The following TMPO variants were observed in gnomAD, a reference collection of about 807,000 sequenced individuals.
TMPO encodes thymopoietin, also known as LEM domain containing 4.
TMPO carries 22 observed loss-of-function variants against 45.4 expected under a neutral mutation model. That is an observed-to-expected ratio of 0.48 (90% CI 0.35 to 0.69). The LOEUF is 0.69. Ranked by LOEUF, TMPO falls within the 30% of genes least tolerant of loss-of-function variation. The probability of loss-of-function intolerance (pLI) is 0.01; values close to 1 mark genes in which losing one functional copy is unlikely to be tolerated. For synonymous variants in TMPO, 241 were observed against 204.1 expected (o/e 1.18, Z -1.54); for missense variants, 512 against 548.8 (o/e 0.93, Z 0.67).
chr12:98,537,342 G>C lies in TMPO; in HGVS notation c.566-133G>C, dbSNP rs1053902116. Reference sequence around the variant, plus strand: ...ATTGCAGTTAAACAATTTTGGACTAGTGAGGTATTACCAGTAGACTTGTTT... The same window carrying C: ...ATTGCAGTTAAACAATTTTGGACTACTGAGGTATTACCAGTAGACTTGTTT... On this transcript the variant is annotated intron_variant, in intron 3 of 8. Transcript: ENST00000556029. 1.0e-5 allele frequency: 7 copies of C among 675,132 alleles called. No homozygotes were observed. The Admixed American group carries it at 1.6e-4, about 16-fold the overall frequency. 41.8% of individuals were successfully genotyped at this position (675,132 alleles called of 1,614,324 possible). A position where few individuals can be genotyped will look rare whatever the true frequency, so the allele number is the denominator to read the frequency against.
intron 4 of TMPO, 128 bp from the exon 5 acceptor site, chr12:98,544,102 C>A: frequency 9.9e-7 from 1 of 1,010,464 alleles, no homozygotes; most frequent in Non-Finnish European, 1.5e-6. Context: ...ATTTTGAGGA[C>A]ATAGCCTTGT....
At chr12:98,537,676 T>G (rs997107998) in intron 4 of TMPO, 104 bp downstream of exon 4, 1 of 864,052 alleles carries the variant, frequency 1.2e-6, no homozygotes, top group African/African-American at 1.7e-5. Flanking sequence ...TCCAGCACGC[T>G]CAATAAACTT....
At chr12:98,528,302 A>T (rs1876937048) in intron 2 of TMPO, among the ~76,000 whole-genome samples, 1 of 142,420 alleles carries the variant, frequency 7.0e-6, no homozygotes, top group African/African-American at 2.7e-5. Flanking sequence ...TTTGAGACGG[A>T]GTCTTGCTCT....
Position 98,547,744 on chromosome 12 carries a change from T to G in TMPO, c.1251T>G (p.Ile417Met). 6.2e-7 allele frequency: 1 copy of G among 1,614,140 alleles called. No individual in the cohort carries two copies. The highest frequency in any genetic ancestry group is 8.5e-7 in the Non-Finnish European group (1 of 1,180,034). ...KGRSIPVWIK[I>M]LLFVVVAVFL... ...GCTCCATTCCCGTATGGATAAAAAT[T>G]TTGCTGTTTGTTGTTGTGGCAGTTT... Residue 417 changes from isoleucine (I) to methionine (M), a missense_variant, in exon 9 of 9, where the codon ATT (isoleucine) becomes ATG (methionine). Ile to Met is a conservative substitution (Grantham distance 10, BLOSUM62 1). Transcript: ENST00000556029.
At chr12:98,523,539 C>T (rs1205084096) in intron 1 of TMPO, among the ~76,000 whole-genome samples, 1 of 148,758 alleles carries the variant, frequency 6.7e-6, no homozygotes, top group African/African-American at 2.5e-5. Flanking sequence ...GAGACTCCAT[C>T]TCAAAAAAAA....
rs113786990 is a variant in TMPO, at chr12:98,531,169, A to C, written c.407-511A>C. On this transcript the variant is annotated intron_variant, in intron 2 of 8. Coordinates refer to ENST00000556029, the MANE Select transcript of TMPO (RefSeq NM_001032283.3). The stretch of plus-strand genomic sequence containing the variant: ...TGGTCAGGCTTGTCTTGAACTGCTG[A>C]CCTTAGGTGATCCACCCGCCTTGGC... 6.8e-3 allele frequency among the ~76,000 whole-genome samples: 1,002 copies of C among 146,814 alleles called. 8 individuals carry two copies. The highest frequency in any genetic ancestry group is 9.2e-3 in the Non-Finnish European group (618 of 67,190).
At chr12:98,516,225 C>T (rs920318346) in intron 1 of TMPO, 79 bp downstream of exon 1, 42 of 1,308,382 alleles carry the variant, frequency 3.2e-5, no homozygotes, top group Non-Finnish European at 3.9e-5. Context: ...GCAGCCCCTC[C>T]CTCCCGGGCG....
At chr12:98,537,624 A>C (rs1477550363) in intron 4 of TMPO, 52 bp downstream of exon 4, 1 of 1,337,898 alleles carries the variant, frequency 7.5e-7, no homozygotes, top group Non-Finnish European at 1.1e-6. Context: ...CCTCCTGACA[A>C]CACTAATCCA....
chr12:98,525,776 A>G (rs954595902), intron 1 of TMPO, among the ~76,000 whole-genome samples: 4 of 152,054 alleles, frequency 2.6e-5, no homozygotes, highest in African/African-American at 9.7e-5. Flanking sequence ...TGAGCCTGAC[A>G]ATTCTAGGTC....
At chr12:98,540,866 C>T (rs936291863) in intron 4 of TMPO, among the ~76,000 whole-genome samples, 15 of 152,022 alleles carry the variant, frequency 9.9e-5, no homozygotes, top group Non-Finnish European at 2.2e-4. Flanking sequence ...GTCTTTCTGG[C>T]GATGCTAAAA....
At chr12:98,520,207 G>A (rs1289920247) in intron 1 of TMPO, among the ~76,000 whole-genome samples, 3 of 151,840 alleles carry the variant, frequency 2.0e-5, no homozygotes, top group East Asian at 3.9e-4. Flanking sequence ...TGATCCACCC[G>A]CCTGAGCCTC....
chr12:98,522,059 G>A (rs1876413856), intron 1 of TMPO, among the ~76,000 whole-genome samples: 1 of 151,758 alleles, frequency 6.6e-6, no homozygotes, highest in Non-Finnish European at 1.5e-5. Flanking sequence ...TAAGAGATAG[G>A]GTCTCGCTCT....
At chr12:98,544,148 G>C (rs1022821343) in intron 4 of TMPO, 82 bp from the exon 5 acceptor site, 1 of 1,496,496 alleles carries the variant, frequency 6.7e-7, no homozygotes, top group African/African-American at 1.4e-5. Flanking sequence ...TCTATTTCAT[G>C]GCTTCTCAGT....
chr12:98,536,560 G>T (rs1284870326), intron 3 of TMPO, among the ~76,000 whole-genome samples: 2 of 152,132 alleles, frequency 1.3e-5, no homozygotes, highest in Admixed American at 6.5e-5. Flanking sequence ...CACCATGTTG[G>T]CCAGGATGGT....
rs1875756144 is a variant in TMPO, at chr12:98,515,996, G to A, written c.129G>A (p.Gln43=). 6.2e-7 allele frequency: 1 copy of A among 1,612,294 alleles called. No individual in the cohort carries two copies. Among genetic ancestry groups the A allele is most frequent in the Non-Finnish European group, 8.5e-7 (1 of 1,179,736 alleles). The change falls in exon 1 of 9, where the codon CAG becomes CAA. Residue 43 remains glutamine, a synonymous_variant. Transcript: ENST00000556029. ...RKDVYVQLYL[Q]HLTARNRPPL... is the part of the protein sequence containing the mutation. ...ACGTGTACGTCCAGCTCTACCTGCAGCACCTCACGGCTCGCAACCGGCCGC... is the reference window on the plus strand; with the variant it reads ...ACGTGTACGTCCAGCTCTACCTGCAACACCTCACGGCTCGCAACCGGCCGC...
chr12:98,525,738 CAAAAA>C (rs34394677), intron 1 of TMPO, among the ~76,000 whole-genome samples: 1 of 95,724 alleles, frequency 1.0e-5, no homozygotes, highest in Non-Finnish European at 2.2e-5. Context: ...GGCACAGTCT[CAAAAA>C]AAAAAAAAAA....
intron 1 of TMPO, among the ~76,000 whole-genome samples, chr12:98,520,310 T>TCCTTCCTTCCTTCCTTCCTTCC (rs755914522): frequency 1.0e-5 from 1 of 99,478 alleles, no homozygotes; most frequent in Non-Finnish European, 2.2e-5. Context: ...TCCTTCCTTC[T>TCCTTCCTTCCTTCCTTCCTTCC]GTGTGTGTGA....
chr12:98,531,529 C>A, intron 2 of TMPO, 151 bp from the exon 3 acceptor site: 1 of 829,840 alleles, frequency 1.2e-6, no homozygotes, highest in Non-Finnish European at 1.9e-6. Context: ...GCCACTATGT[C>A]TGGCCGCATT....
chr12:98,535,662 C>G (rs563673547), intron 3 of TMPO: 1 of 985,370 alleles, frequency 1.0e-6, no homozygotes, highest in South Asian at 4.7e-5. Context: ...ACATGTTGTT[C>G]TGTGTGCTTT....
Sources: allele counts gnomAD v4.1 joint callset (sites outside exome capture counted in the v4.1 genomes callset), GRCh38; gene constraint gnomAD v4.1.1; transcripts MANE v1.5; gene names NCBI Gene and HGNC (gene_info 2026-07-23, HGNC 2026-07-21).